The following HNRNPA1L2 variants were observed in gnomAD, a reference collection of about 807,000 sequenced individuals.
HNRNPA1L2 encodes heterogeneous nuclear ribonucleoprotein A1 like 2.
HNRNPA1L2 carries 10 observed loss-of-function variants against 18.2 expected under a neutral mutation model. That is an observed-to-expected ratio of 0.55 (90% confidence interval 0.34 to 0.93). The LOEUF is 0.93. Among genes scored for constraint, HNRNPA1L2 ranks in the 40% least tolerant of loss-of-function variants. The pLI is 0.02. For synonymous variants in HNRNPA1L2, 124 were observed against 138.6 expected, an observed-to-expected ratio of 0.89 and a Z score of 0.74; for missense variants, 308 against 394.4, an observed-to-expected ratio of 0.78 and a Z score of 1.85.
upstream of HNRNPA1L2, among the ~76,000 whole-genome samples, chr13:52,638,973 A>G (rs1390744491): frequency 6.6e-6 from 1 of 152,230 alleles, no homozygotes; most frequent in Non-Finnish European, 1.5e-5. Context: ...GATCAGTAAC[A>G]TCTTTATGAA....
chr13:52,630,826 A>T, the HNRNPA1L2 span, among the ~76,000 whole-genome samples: 1 of 152,220 alleles, frequency 6.6e-6, no homozygotes, highest in African/African-American at 2.4e-5. Context: ...TATTGAATAA[A>T]GTAGAAAGTG....
the HNRNPA1L2 span, among the ~76,000 whole-genome samples, chr13:52,626,531 A>C: frequency 6.6e-6 from 1 of 152,176 alleles, no homozygotes; most frequent in African/African-American, 2.4e-5. Context: ...GAAGCTTTTA[A>C]AAGCTTTTTC....
At chr13:52,620,249 G>C in the HNRNPA1L2 span, among the ~76,000 whole-genome samples, 1 of 152,142 alleles carries the variant, frequency 6.6e-6, no homozygotes, top group African/African-American at 2.4e-5. Flanking sequence ...AAGCACCTGG[G>C]TCTTATTTAA....
the HNRNPA1L2 span, among the ~76,000 whole-genome samples, chr13:52,620,132 T>C: frequency 6.6e-6 from 1 of 152,178 alleles, no homozygotes; most frequent in Admixed American, 6.5e-5. Context: ...CCGTTTTCTC[T>C]TTCATGCAAG....
chr13:52,619,533 G>A, the HNRNPA1L2 span, among the ~76,000 whole-genome samples: 1 of 151,972 alleles, frequency 6.6e-6, no homozygotes, highest in South Asian at 2.1e-4. Context: ...GGCTGGTCTC[G>A]AACTCCAGAC....
chr13:52,625,204 T>G, the HNRNPA1L2 span, among the ~76,000 whole-genome samples: 1 of 149,476 alleles, frequency 6.7e-6, no homozygotes, highest in Non-Finnish European at 1.5e-5. Flanking sequence ...AACCTCCGCC[T>G]TCTAGGTTGA....
chr13:52,627,225 A>G, the HNRNPA1L2 span, among the ~76,000 whole-genome samples: 1 of 152,168 alleles, frequency 6.6e-6, no homozygotes, highest in Non-Finnish European at 1.5e-5. Flanking sequence ...CCTCCACCTT[A>G]ATATATTGTT....
chr13:52,619,507 T>G, the HNRNPA1L2 span, among the ~76,000 whole-genome samples: 2 of 151,918 alleles, frequency 1.3e-5, no homozygotes, highest in Non-Finnish European at 2.9e-5. Flanking sequence ...GAAACGGAGT[T>G]TCACTGTGTT....
chr13:52,622,335 C>CA, the HNRNPA1L2 span: 1 of 151,836 alleles, frequency 6.6e-6, no homozygotes, highest in African/African-American at 2.4e-5. Flanking sequence ...TTTCTTTTTG[C>CA]AAAAAATGTT....
the HNRNPA1L2 span, among the ~76,000 whole-genome samples, chr13:52,626,016 G>A: frequency 6.6e-6 from 1 of 151,888 alleles, no homozygotes; most frequent in South Asian, 2.1e-4. Context: ...TTGAGCTCAA[G>A]CGATCCTCCC....
chr13:52,635,889 G>T, the HNRNPA1L2 span, among the ~76,000 whole-genome samples: 1 of 142,998 alleles, frequency 7.0e-6, no homozygotes, highest in Non-Finnish European at 1.5e-5. Context: ...GGAGTGCAAT[G>T]GCGCGACCTC....
rs757277714 is a variant in HNRNPA1L2 at position 52,642,795 on chromosome 13, C to T, written c.303C>T (p.His101=). 4.4e-6 allele frequency: 7 copies of T among 1,596,456 alleles called. No individual in the cohort carries two copies. In the East Asian group the frequency reaches 1.1e-4, roughly 25 times the overall value. The change falls in exon 1 of 1, where the codon CAC becomes CAT. Residue 101 remains histidine, a synonymous_variant. Transcript: ENST00000357495. ...AAGATTCTCAAAGACCAGGTGCCCA[C>T]TTAACTGTGAAAAAGATATTTGTTG... ...SREDSQRPGA[H]LTVKKIFVGG...
chr13:52,643,011 C>T lies in HNRNPA1L2; in HGVS notation c.519C>T (p.His173=), dbSNP rs1377457346. The T allele has an allele frequency of 1.3e-6, 2 of 1,597,572 alleles. No homozygotes were observed. Among genetic ancestry groups the T allele is most frequent in the Non-Finnish European group, 8.5e-7 (1 of 1,179,806 alleles). ...AGAAATACCATACTGTGAAGGGCCACAACTGTGAAGTTAGAAAAGCCCTGC... is the reference window on the plus strand; with the variant it reads ...AGAAATACCATACTGTGAAGGGCCATAACTGTGAAGTTAGAAAAGCCCTGC... ...VIQKYHTVKG[H]NCEVRKALPK... is the part of the protein sequence containing the mutation. Residue 173 remains histidine, a synonymous_variant, in exon 1 of 1, where the codon CAC becomes CAT. Transcript: ENST00000357495.
At chr13:52,635,338 A>G in the HNRNPA1L2 span, among the ~76,000 whole-genome samples, 1 of 152,086 alleles carries the variant, frequency 6.6e-6, no homozygotes, top group African/African-American at 2.4e-5. Context: ...TGCAATGTAC[A>G]CCTCTAGCCC....
chr13:52,635,608 ACACACACACACACAC>A, the HNRNPA1L2 span, among the ~76,000 whole-genome samples: 5 of 106,534 alleles, frequency 4.7e-5, no homozygotes, highest in Non-Finnish European at 9.0e-5. Flanking sequence ...ACACACACAC[ACACACACACACACAC>A]AATGCAGGCA....
At chr13:52,642,138 C>T (rs1177204900), upstream of HNRNPA1L2, 1 of 282,964 alleles carries the variant, frequency 3.5e-6, no homozygotes, top group Non-Finnish European at 6.6e-6. Context: ...CCTTCTTAAA[C>T]CATATTGTTT....
chr13:52,635,894 G>A, the HNRNPA1L2 span, among the ~76,000 whole-genome samples: 2 of 148,830 alleles, frequency 1.3e-5, no homozygotes, highest in South Asian at 2.1e-4. Flanking sequence ...GCAATGGCGC[G>A]ACCTCGGCTC....
the HNRNPA1L2 span, among the ~76,000 whole-genome samples, chr13:52,626,625 C>T: frequency 6.6e-6 from 1 of 151,840 alleles, no homozygotes; most frequent in Non-Finnish European, 1.5e-5. Context: ...CAACAATGAT[C>T]AACATTTTAC....
At chr13:52,638,470 C>T (rs549157384), upstream of HNRNPA1L2, among the ~76,000 whole-genome samples, 70 of 152,186 alleles carry the variant, frequency 4.6e-4, no homozygotes, top group Non-Finnish European at 7.6e-4. Flanking sequence ...ACCATTTACA[C>T]ATTTGGTTCT....
Sources: gnomAD v4.1 joint callset for allele counts (sites outside exome capture counted in the v4.1 genomes callset) on GRCh38, gnomAD v4.1.1 for gene constraint, MANE v1.5 for transcripts, NCBI Gene and HGNC (gene_info 2026-07-23, HGNC 2026-07-21) for gene names.